The following THSD7A variants were observed in gnomAD, a reference collection of about 807,000 sequenced individuals.
The protein encoded by THSD7A is thrombospondin type 1 domain containing 7A, also known as thrombospondin type-1 domain-containing protein 7A.
In THSD7A, 96 loss-of-function variants were observed where a neutral mutation model predicts 231.3. The observed-to-expected ratio is 0.41, with a 90% CI of 0.35 to 0.49. The LOEUF is 0.49. Ranked by LOEUF, THSD7A falls within the 20% of genes least tolerant of loss-of-function variation. THSD7A has a pLI of 0.05. For synonymous variants in THSD7A, 940 were observed against 743.3 expected, an observed-to-expected ratio of 1.26 and a Z score of -4.30; for missense variants, 2,290 against 2,070.2, an observed-to-expected ratio of 1.11 and a Z score of -2.06.
chr7:11,378,972 A>G (rs751075996), intron 26 of THSD7A, 98 bp downstream of exon 26: 4 of 1,099,202 alleles, frequency 3.6e-6, no homozygotes, highest in East Asian at 5.1e-5. Flanking sequence ...AAAATAATCA[A>G]TAGCTCATAT....
chr7:11,609,421 G>C (rs1365879054), intron 2 of THSD7A, among the ~76,000 whole-genome samples: 1 of 152,096 alleles, frequency 6.6e-6, no homozygotes, highest in African/African-American at 2.4e-5. Flanking sequence ...CCAGAACTGG[G>C]AGGACCCACT....
At position 11,593,276 on chromosome 7, in the gene THSD7A, C is replaced by T. The variant is rs751357468; in HGVS notation, c.1249G>A (p.Asp417Asn). ...EEKEPCLSQG[D>N]GVVPCATYGW... ...CACGTGGCACAGGGGACAACTCCAT[C>T]TCCTTGAGACAAACAGGGTTCTTTT... is the stretch of plus-strand genomic sequence containing the variant. The change falls in exon 3 of 28, where the codon GAT (aspartate) becomes AAT (asparagine). Residue 417 changes from aspartate (D) to asparagine (N), a missense_variant. Transcript: ENST00000423059. 1.2e-6 allele frequency: 2 copies of T among 1,613,980 alleles called. No individual in the cohort carries two copies. The highest frequency in any genetic ancestry group is 8.5e-7 in the Non-Finnish European group (1 of 1,179,872).
intron 11 of THSD7A, among the ~76,000 whole-genome samples, chr7:11,451,270 A>G (rs1462301237): frequency 1.3e-5 from 2 of 152,076 alleles, no homozygotes; most frequent in African/African-American, 2.4e-5. Context: ...TGAACAAACT[A>G]TGCATAAACA....
At chr7:11,555,947 A>G (rs775879038) in intron 4 of THSD7A, among the ~76,000 whole-genome samples, 6 of 151,602 alleles carry the variant, frequency 4.0e-5, no homozygotes, top group Non-Finnish European at 8.9e-5. Flanking sequence ...TCATTATTTT[A>G]CTTTAAACCT....
rs1781872661 is a variant in THSD7A, at chr7:11,636,692, G to C, written c.460C>G (p.Gln154Glu). Residue 154 changes from glutamine (Q) to glutamate (E), a missense_variant, in exon 2 of 28, where the codon CAG becomes GAG. By Grantham distance (29) the Gln-to-Glu change is conservative. Coordinates refer to ENST00000423059, the MANE Select transcript of THSD7A (RefSeq NM_015204.3). The surrounding 1 kb of genome is among the most constrained non-coding windows in gnomAD (Gnocchi z 10.0). ...TGGATGCACGCTATCTCCCTCACCT[G>C]AATACCTTCTTCCCCCTTAATGCAC... ...LECIKGEEGI[Q>E]VREIACIQKD... 1 of 1,613,858 alleles carries C rather than the reference G, an allele frequency of 6.2e-7. No homozygotes were observed. Among genetic ancestry groups the C allele is most frequent in the Admixed American group, 1.7e-5 (1 of 60,002 alleles).
intron 25 of THSD7A, 35 bp from the exon 26 acceptor site, chr7:11,379,315 C>T: frequency 2.5e-6 from 4 of 1,601,820 alleles, no homozygotes; most frequent in Non-Finnish European, 3.4e-6. Context: ...ACTAGCCATG[C>T]AAGGAATCTT....
chr7:11,401,102 CCATTT>C (rs1221432913), intron 23 of THSD7A, among the ~76,000 whole-genome samples: 1 of 151,922 alleles, frequency 6.6e-6, no homozygotes, highest in Non-Finnish European at 1.5e-5. Context: ...TTTGATTTAT[CCATTT>C]GAAAAAATAT....
At chr7:11,560,564 T>C (rs915226292) in intron 4 of THSD7A, among the ~76,000 whole-genome samples, 1 of 152,172 alleles carries the variant, frequency 6.6e-6, no homozygotes, top group African/African-American at 2.4e-5. Flanking sequence ...CTCCTTCCAG[T>C]TTTTTCGCCT....
intron 1 of THSD7A, among the ~76,000 whole-genome samples, chr7:11,691,595 A>G (rs1780232227): frequency 6.6e-6 from 1 of 151,428 alleles, no homozygotes; most frequent in African/African-American, 2.4e-5. Flanking sequence ...TAATATCTAT[A>G]TATAATCCAT....
intron 7 of THSD7A, among the ~76,000 whole-genome samples, chr7:11,477,383 T>C (rs551987176): frequency 6.6e-6 from 1 of 152,330 alleles, no homozygotes; most frequent in African/African-American, 2.4e-5. Flanking sequence ...ATTCTCATTA[T>C]ATCATACTGA....
chr7:11,701,446 G>A (rs888062447), intron 1 of THSD7A, among the ~76,000 whole-genome samples: 1 of 150,978 alleles, frequency 6.6e-6, no homozygotes, highest in Non-Finnish European at 1.5e-5. Context: ...CCTTTTCTAA[G>A]CCATATACTT....
chr7:11,720,702 T>C (rs1415364800), intron 1 of THSD7A, among the ~76,000 whole-genome samples: 2 of 151,740 alleles, frequency 1.3e-5, no homozygotes, highest in Non-Finnish European at 2.9e-5. Context: ...GCTTGCACCA[T>C]GGCTACTATA....
intron 2 of THSD7A, among the ~76,000 whole-genome samples, chr7:11,601,407 C>T (rs1166984235): frequency 6.6e-6 from 1 of 152,124 alleles, no homozygotes; most frequent in African/African-American, 2.4e-5. Context: ...GCACTGGGGA[C>T]ACTGTGAACA....
At chr7:11,434,823 A>G (rs968801951) in intron 13 of THSD7A, among the ~76,000 whole-genome samples, 9 of 152,050 alleles carry the variant, frequency 5.9e-5, no homozygotes, top group African/African-American at 1.9e-4. Flanking sequence ...GCAATTATAT[A>G]TTAAAAACTG....
At chr7:11,392,488 T>C (rs995468044) in intron 23 of THSD7A, among the ~76,000 whole-genome samples, 9 of 152,028 alleles carry the variant, frequency 5.9e-5, no homozygotes, top group Admixed American at 4.6e-4. Context: ...TTGCAAGAGT[T>C]TTTTTTTCAT....
intron 6 of THSD7A, among the ~76,000 whole-genome samples, chr7:11,520,574 C>G (rs1788222522): frequency 6.6e-6 from 1 of 152,090 alleles, no homozygotes. Flanking sequence ...ATGCAAATAT[C>G]AAGTGCTTGA....
At chr7:11,548,424 C>CAT (rs938325460) in intron 4 of THSD7A, among the ~76,000 whole-genome samples, 7 of 151,940 alleles carry the variant, frequency 4.6e-5, no homozygotes, top group Admixed American at 6.6e-5. Context: ...TGAATTCTAC[C>CAT]ATATATATAT....
intron 4 of THSD7A, among the ~76,000 whole-genome samples, chr7:11,558,095 G>A (rs539523147): frequency 4.6e-5 from 7 of 152,094 alleles, no homozygotes; most frequent in Admixed American, 2.6e-4. Flanking sequence ...TGATGTTTCC[G>A]TGTTGTTGGC....
At chr7:11,433,820 C>T (rs940913418) in intron 13 of THSD7A, among the ~76,000 whole-genome samples, 3 of 151,866 alleles carry the variant, frequency 2.0e-5, no homozygotes, top group Non-Finnish European at 2.9e-5. Context: ...GACTGATTCA[C>T]GTTGTGTTAT....
Sources: allele counts gnomAD v4.1 joint callset (sites outside exome capture counted in the v4.1 genomes callset), GRCh38; gene constraint gnomAD v4.1.1; non-coding constraint Gnocchi (gnomAD v3.1); transcripts MANE v1.5; gene names NCBI Gene and HGNC (gene_info 2026-07-23, HGNC 2026-07-21).